The following TSPEAR variants were observed in gnomAD, a reference collection of about 807,000 sequenced individuals.
TSPEAR encodes the protein thrombospondin-type laminin G domain and EAR repeat-containing protein.
A neutral mutation model predicts 71.6 loss-of-function variants in TSPEAR; 69 were observed. The observed-to-expected ratio is 0.96, with a 90% CI of 0.79 to 1.18. The LOEUF (loss-of-function observed/expected upper bound fraction) is 1.18, where lower values mean the gene tolerates loss of function less well. Ranked by LOEUF, TSPEAR falls within the 50% of genes most tolerant of loss-of-function variation. The probability of loss-of-function intolerance (pLI) is 0.00; values close to 1 mark genes in which losing one functional copy is unlikely to be tolerated. For missense variants in TSPEAR, 971 were observed against 894.9 expected, an observed-to-expected ratio of 1.09 and a Z score of -1.09; for synonymous variants, 402 against 387.2, an observed-to-expected ratio of 1.04 and a Z score of -0.45.
chr21:44,662,601 A>C (rs1458500798), intron 1 of TSPEAR, among the ~76,000 whole-genome samples: 3 of 152,232 alleles, frequency 2.0e-5, no homozygotes, highest in Admixed American at 1.3e-4. Context: ...GGCCTGGACA[A>C]CACTGTCAAT....
intron 8 of TSPEAR, among the ~76,000 whole-genome samples, chr21:44,523,440 CAGTT>C (rs782679510): frequency 5.6e-4 from 85 of 151,748 alleles, no homozygotes; most frequent in South Asian, 1.9e-3. Context: ...GTCAGGTAGT[CAGTT>C]AGGTAGTTAA....
intron 2 of TSPEAR, 33 bp from the exon 3 acceptor site, chr21:44,533,956 T>A (rs1354536061): frequency 1.7e-6 from 2 of 1,154,086 alleles, no homozygotes; most frequent in African/African-American, 3.7e-5. Flanking sequence ...AGGACGGGGC[T>A]GGGGGTAGGG....
Position 44,697,370 on chromosome 21 carries a change from C to T in TSPEAR, c.82+14063G>A, listed in dbSNP as rs201215667. The T allele has an allele frequency of 2.6e-3, 4,136 of 1,612,758 alleles. 34 individuals are homozygous for T. The African/African-American group carries it at 0.029, about 11-fold the overall frequency. On this transcript the variant is annotated intron_variant, in intron 1 of 11. Coordinates refer to ENST00000323084, the MANE Select transcript of TSPEAR (RefSeq NM_144991.3). Reference sequence around the variant, plus strand: ...GAGCCTGGTCTGCACCCCAGTGAGCCGTGTATCCAGCCCCTGCTGCCGAGT... The same window carrying T: ...GAGCCTGGTCTGCACCCCAGTGAGCTGTGTATCCAGCCCCTGCTGCCGAGT...
At chr21:44,600,474 AGGG>A in intron 1 of TSPEAR, 1 of 921,874 alleles carries the variant, frequency 1.1e-6, no homozygotes, top group Non-Finnish European at 1.6e-6. Flanking sequence ...CAAACAAGGA[AGGG>A]GCAGGAGTTG....
rs781919363 is a variant in TSPEAR at position 44,591,993 on chromosome 21, G to A, written c.83-23988C>T. ...AGCACGAAGAGGAAATCCCAGAGCA[G>A]ACAGGCTTGCAGCAGACGGGCACAC... On this transcript the variant is annotated intron_variant, in intron 1 of 11. Transcript: ENST00000323084. 83 of 1,598,968 alleles carry A rather than the reference G, an allele frequency of 5.2e-5. No homozygotes were observed. The East Asian group carries it at 1.9e-3, about 36-fold the overall frequency.
rs1335081872 is a variant in TSPEAR at position 44,623,476 on chromosome 21, A to G, written c.83-55471T>C. ...TTACAACTTCTAAGACATCTTATAC[A>G]GTAAATATTCATTTAGATTTCCCCA... is the stretch of plus-strand genomic sequence containing the variant. On this transcript the variant is annotated intron_variant, in intron 1 of 11. Transcript: ENST00000323084. This position sits in a 1 kb window ranked among gnomAD's most constrained non-coding sequence, Gnocchi z 4.5. Among the ~76,000 whole-genome samples the G allele has an allele frequency of 2.0e-5, 3 of 152,368 alleles. No individual in the cohort carries two copies. Among genetic ancestry groups the G allele is most frequent in the African/African-American group, 7.2e-5 (3 of 41,584 alleles).
chr21:44,638,157 A>G (rs1983786377), intron 1 of TSPEAR: 9 of 1,610,012 alleles, frequency 5.6e-6, no homozygotes, highest in Non-Finnish European at 7.6e-6. Context: ...TGCTCTGGCC[A>G]GAAGTCCAGC....
At position 44,533,831 on chromosome 21, in the gene TSPEAR, GA is replaced by G; in HGVS notation, c.395del (p.Phe132SerfsTer50). The G allele has an allele frequency of 6.2e-7, 1 of 1,612,556 alleles. No individual in the cohort carries two copies. The highest frequency in any genetic ancestry group is 8.5e-7 in the Non-Finnish European group (1 of 1,179,924). On this transcript the variant is annotated frameshift_variant, in exon 3 of 12. Transcript: ENST00000323084. LOFTEE classifies it high-confidence loss of function. ...AGGCGCCGGCCGTGTCCTCGCGAAG[GA>G]ACAGGAAGTGCAGCTGGGCAGGTGA... ...RLSPAQLHFL[F>X]LREDTAGAWQ...
chr21:44,517,161 C>T (rs1455245348), intron 9 of TSPEAR: 1 of 152,546 alleles, frequency 6.6e-6, no homozygotes, highest in East Asian at 1.9e-4. Flanking sequence ...CCCTCCCTGA[C>T]CCCAGACCAT....
In TSPEAR at chr21:44,591,865, G is replaced by A. The variant is rs781809399; in HGVS notation, c.83-23860C>T. On this transcript the variant is annotated intron_variant, in intron 1 of 11. Coordinates refer to ENST00000323084, the MANE Select transcript of TSPEAR (RefSeq NM_144991.3). ...CTGGCAGCTAGACTGCTGGCAGCATGAGGGTGTGCAGGAGCTGGTGCAGCC... is the reference window on the plus strand; with the variant it reads ...CTGGCAGCTAGACTGCTGGCAGCATAAGGGTGTGCAGGAGCTGGTGCAGCC... 5 of 1,608,786 alleles carry A rather than the reference G, an allele frequency of 3.1e-6. No homozygotes were observed. In the African/African-American group the frequency reaches 4.2e-5, roughly 13 times the overall value.
Position 44,562,873 on chromosome 21 carries a change from G to A in TSPEAR, c.303+4912C>T, listed in dbSNP as rs145458305. Among the ~76,000 whole-genome samples, 12 of 152,230 alleles carry A rather than the reference G, an allele frequency of 7.9e-5. No homozygotes were observed. In the East Asian group the frequency reaches 1.3e-3, roughly 17 times the overall value. ...ATCTTACGAGTCATACTAGCGTTCC[G>A]CAGACCAAAAGCAAGTAACTCCAGA... is the stretch of plus-strand genomic sequence containing the variant. On this transcript the variant is annotated intron_variant, in intron 2 of 11. Transcript: ENST00000323084.
At chr21:44,672,619 T>C (rs1193595085) in intron 1 of TSPEAR, among the ~76,000 whole-genome samples, 5 of 152,094 alleles carry the variant, frequency 3.3e-5, no homozygotes, top group African/African-American at 1.2e-4. Flanking sequence ...GGTGAAAATT[T>C]CCCTAGTCTA....
intron 1 of TSPEAR, chr21:44,698,126 C>G (rs1376988704): frequency 1.4e-6 from 1 of 720,764 alleles, no homozygotes; most frequent in Non-Finnish European, 2.3e-6. Context: ...CTCCAGATGA[C>G]CCTGCCTCCA....
In TSPEAR at chr21:44,522,104, G is replaced by A; in HGVS notation, c.1345C>T (p.His449Tyr). 4 of 1,614,028 alleles carry A rather than the reference G, an allele frequency of 2.5e-6. No homozygotes were observed. The highest frequency in any genetic ancestry group is 3.4e-6 in the Non-Finnish European group (4 of 1,179,974). ...TTGTAGATGACACTGTCGATGTTGT[G>A]GTTGTCGCCTGGAACCAAGGGACTG... The part of the protein sequence containing the change: ...AVANHREGDN[H>Y]NIDSVIYKWN... Residue 449 changes from histidine to tyrosine, a missense_variant, in exon 9 of 12, where the codon CAC (histidine) becomes TAC (tyrosine). His to Tyr is a moderately conservative substitution (Grantham distance 83). Transcript: ENST00000323084.
intron 1 of TSPEAR, among the ~76,000 whole-genome samples, chr21:44,639,320 G>A (rs1555938026): frequency 6.6e-6 from 1 of 152,222 alleles, no homozygotes; most frequent in South Asian, 2.1e-4. Context: ...GTCGCTGTGC[G>A]CATTTGAGAG....
intron 1 of TSPEAR, among the ~76,000 whole-genome samples, chr21:44,610,439 C>T (rs913909303): frequency 2.6e-5 from 4 of 152,202 alleles, no homozygotes; most frequent in Non-Finnish European, 5.9e-5. Flanking sequence ...TTCCATGTTG[C>T]GTTGAGCCTG....
At chr21:44,558,169 T>C (rs202130377) in intron 2 of TSPEAR, 2 of 1,604,808 alleles carry the variant, frequency 1.2e-6, no homozygotes, top group African/African-American at 1.4e-5. Context: ...GGCTGGCAGG[T>C]GGAGGCAGGG....
At chr21:44,663,625 C>T (rs1985609702) in intron 1 of TSPEAR, among the ~76,000 whole-genome samples, 1 of 152,054 alleles carries the variant, frequency 6.6e-6, no homozygotes, top group South Asian at 2.1e-4. Context: ...ATCTTGATAT[C>T]AAATTTGAAC....
intron 1 of TSPEAR, among the ~76,000 whole-genome samples, chr21:44,582,842 C>CTT (rs1161305447): frequency 2.0e-5 from 3 of 150,452 alleles, no homozygotes; most frequent in African/African-American, 4.9e-5. Context: ...TTCTTTCTTT[C>CTT]TTTTCTTTTT....
Sources: gnomAD v4.1 joint callset for allele counts (sites outside exome capture counted in the v4.1 genomes callset) on GRCh38, gnomAD v4.1.1 for gene constraint, Gnocchi (gnomAD v3.1) non-coding constraint, MANE v1.5 for transcripts, NCBI Gene and HGNC (gene_info 2026-07-23, HGNC 2026-07-21) for gene names.